NUDT1: variants seen among roughly 807,000 people sequenced by gnomAD.
NUDT1 encodes nudix hydrolase 1, also known as oxidized purine nucleoside triphosphate hydrolase.
Under a neutral mutation model 11.3 loss-of-function variants are expected in NUDT1, and 16 were observed. That is an observed-to-expected ratio of 1.41 (90% CI 0.96 to 2.15). NUDT1 has a LOEUF of 2.15. Ranked by LOEUF, NUDT1 falls within the 30% of genes most tolerant of loss-of-function variation. The pLI, the probability that NUDT1 is intolerant of heterozygous loss-of-function variation, is 0.00. For missense variants in NUDT1, 234 were observed against 208.4 expected, an observed-to-expected ratio of 1.12 and a Z score of -0.76; for synonymous variants, 101 against 84.4, an observed-to-expected ratio of 1.20 and a Z score of -1.08.
intron 2 of NUDT1, among the ~76,000 whole-genome samples, chr7:2,245,578 C>A (rs759542043): frequency 2.6e-5 from 4 of 152,122 alleles, no homozygotes; most frequent in Admixed American, 6.6e-5. Flanking sequence ...TTTTCCGATT[C>A]ATTTCTCTTT....
At chr7:2,244,182 C>T (rs928255475) in intron 1 of NUDT1, among the ~76,000 whole-genome samples, 3 of 152,180 alleles carry the variant, frequency 2.0e-5, no homozygotes, top group Non-Finnish European at 2.9e-5. Context: ...CAATCAGGCA[C>T]GGGGACTGTT....
Position 2,244,694 on chromosome 7 carries a change from A to C in NUDT1, c.120A>C (p.Gln40His). The C allele has an allele frequency of 1.2e-6, 2 of 1,612,890 alleles. No homozygotes were observed. Among genetic ancestry groups the C allele is most frequent in the Non-Finnish European group, 1.7e-6 (2 of 1,179,646 alleles). ...GRWNGFGGKV[Q>H]EGETIEDGAR... is the part of the protein sequence containing the mutation. ...GGAATGGCTTTGGGGGCAAAGTGCA[A>C]GAAGGAGAGACCATCGAGGATGGGG... Residue 40 changes from glutamine to histidine, a missense_variant, in exon 2 of 4, where the codon CAA (glutamine) becomes CAC (histidine). Physicochemically the swap from Gln to His is conservative, Grantham distance 24. Transcript: ENST00000356714.
chr7:2,250,683 C>T lies in NUDT1; in HGVS notation c.299-146C>T, dbSNP rs1417826139. ...CCGTGTTAGCCAGGATGGTCTCGAT[C>T]TCCTGACCTCGTGATCCTCCCGCCT... is the stretch of plus-strand genomic sequence containing the variant. On this transcript the variant is annotated intron_variant, in intron 3 of 3. Coordinates refer to ENST00000356714, the MANE Select transcript of NUDT1 (RefSeq NM_002452.4). The T allele has an allele frequency of 2.2e-5, 12 of 539,586 alleles. 1 individual carries two copies. Among genetic ancestry groups the T allele is most frequent in the South Asian group, 2.1e-4 (12 of 58,226 alleles). 33.4% of individuals were successfully genotyped at this position (539,586 alleles called of 1,614,324 possible).
intron 1 of NUDT1, chr7:2,242,680 G>T: frequency 2.5e-6 from 1 of 396,586 alleles, no homozygotes; most frequent in South Asian, 4.2e-5. Flanking sequence ...AAGGGCGTGC[G>T]ATGAGGATGT....
intron 3 of NUDT1, among the ~76,000 whole-genome samples, chr7:2,250,463 CTGT>C (rs1368900693): frequency 1.1e-4 from 17 of 152,244 alleles, no homozygotes; most frequent in Admixed American, 9.2e-4. Flanking sequence ...GTTGTTGTTG[CTGT>C]TGTTGTTTTG....
Position 2,242,247 on chromosome 7 carries a change from G to A in NUDT1, c.-22G>A. ...GGTCAGAGGCCACGCCCCCGGAAGC[G>A]GCGGTGCAGGTACGAAAAGCGCGCG... On this transcript the variant is annotated 5_prime_UTR_variant, in exon 1 of 4. Coordinates refer to ENST00000356714, the MANE Select transcript of NUDT1 (RefSeq NM_002452.4). 2.1e-6 allele frequency: 3 copies of A among 1,434,402 alleles called. No individual in the cohort carries two copies. The highest frequency in any genetic ancestry group is 1.5e-5 in the African/African-American group (1 of 67,510). The allele number at this position is 1,434,402 out of a possible 1,614,324, so 88.9% of individuals were successfully genotyped here.
rs36081556 is a variant in NUDT1, at chr7:2,247,591, C to T, written c.153-2266C>T. 6.3e-3 allele frequency among the ~76,000 whole-genome samples: 962 copies of T among 152,346 alleles called. 10 individuals are homozygous for T. Among genetic ancestry groups the T allele is most frequent in the African/African-American group, 0.022 (904 of 41,578 alleles). ...ACCTCCCCACGCCACGGACGCTGCA[C>T]CACCCTGTGTTTTTGTTTCATGTAT... On this transcript the variant is annotated intron_variant, in intron 2 of 3. Transcript: ENST00000356714.
intron 1 of NUDT1, 169 bp downstream of exon 1, chr7:2,242,425 G>A: frequency 2.0e-6 from 1 of 506,666 alleles, no homozygotes; most frequent in Non-Finnish European, 3.5e-6. Context: ...GGGAGACGAG[G>A]AGAGCGGGGC....
At chr7:2,250,797 C>T (rs369958021) in intron 3 of NUDT1, 32 bp from the exon 4 acceptor site, 177 of 1,613,634 alleles carry the variant, frequency 1.1e-4, no homozygotes, top group Non-Finnish European at 1.4e-4. Context: ...TTGGGTTGCA[C>T]CTCAGTGCCT....
At chr7:2,249,652 CAG>C (rs1794900280) in intron 2 of NUDT1, 1 of 640,632 alleles carries the variant, frequency 1.6e-6, no homozygotes, top group African/African-American at 1.8e-5. Context: ...CAACCAAAAT[CAG>C]TGTCTTCAAA....
At chr7:2,248,547 CTTTTTTTTTTT>C (rs11393832) in intron 2 of NUDT1, among the ~76,000 whole-genome samples, 6 of 122,606 alleles carry the variant, frequency 4.9e-5, no homozygotes, top group Non-Finnish European at 8.3e-5. Context: ...ATGATGTTTG[CTTTTTTTTTTT>C]TTTTTTTTTT....
At chr7:2,248,573 A>G (rs1271228195) in intron 2 of NUDT1, among the ~76,000 whole-genome samples, 2 of 137,282 alleles carry the variant, frequency 1.5e-5, no homozygotes, top group African/African-American at 5.6e-5. Context: ...TTTTTTTAAG[A>G]CAGGGTCTAG....
intron 1 of NUDT1, chr7:2,242,727 A>G (rs576584971): frequency 8.8e-5 from 40 of 452,838 alleles, no homozygotes; most frequent in Non-Finnish European, 1.3e-4. Context: ...TCAAGCCTCT[A>G]GGGGAACATA....
At chr7:2,249,672 T>C (rs556612159) in intron 2 of NUDT1, 185 bp from the exon 3 acceptor site, 2 of 694,540 alleles carry the variant, frequency 2.9e-6, no homozygotes, top group East Asian at 5.5e-5. Context: ...AAAGTTCAAG[T>C]TGATTCTGAA....
chr7:2,250,031 C>T, intron 3 of NUDT1, 29 bp downstream of exon 3: 1 of 1,612,294 alleles, frequency 6.2e-7, no homozygotes, highest in South Asian at 1.1e-5. Context: ...GCTCCCCCTC[C>T]CCACTATGCG....
At chr7:2,246,461 C>T (rs1794770275) in intron 2 of NUDT1, among the ~76,000 whole-genome samples, 1 of 152,154 alleles carries the variant, frequency 6.6e-6, no homozygotes, top group Non-Finnish European at 1.5e-5. Flanking sequence ...TGGAGGAGCG[C>T]CAGCTGTGCA....
At position 2,251,017 on chromosome 7, in the gene NUDT1, G is replaced by C. The variant is rs774699263; in HGVS notation, c.*16G>C. On this transcript the variant is annotated 3_prime_UTR_variant, in exon 4 of 4. Transcript: ENST00000356714. ...CACGGTCTAGCGGGAGCCCAGGGCA[G>C]CCCCTGGGCAGGAGACGTGGCTGCT... 9 of 1,613,214 alleles carry C rather than the reference G, an allele frequency of 5.6e-6. No homozygotes were observed. In the South Asian group the frequency reaches 9.9e-5, roughly 18 times the overall value.
intron 2 of NUDT1, among the ~76,000 whole-genome samples, chr7:2,245,074 G>A (rs917756094): frequency 1.3e-5 from 2 of 152,170 alleles, no homozygotes; most frequent in Admixed American, 6.5e-5. Flanking sequence ...CACCCTCACT[G>A]TTGCCGAAGG....
intron 3 of NUDT1, among the ~76,000 whole-genome samples, chr7:2,250,519 G>A (rs994756626): frequency 1.3e-5 from 2 of 152,130 alleles, no homozygotes; most frequent in Non-Finnish European, 2.9e-5. Context: ...GGGCAATGGC[G>A]CAATCTCGGC....
Sources: allele counts gnomAD v4.1 joint callset (sites outside exome capture counted in the v4.1 genomes callset), GRCh38; gene constraint gnomAD v4.1.1; transcripts MANE v1.5; gene names NCBI Gene and HGNC (gene_info 2026-07-23, HGNC 2026-07-21).